PARD3: variants seen among roughly 807,000 people sequenced by gnomAD.
PARD3 encodes partitioning defective 3 homolog.
PARD3 carries 75 observed loss-of-function variants against 155.4 expected under a neutral mutation model. The observed-to-expected ratio is 0.48, with a 90% CI of 0.40 to 0.58. The LOEUF (loss-of-function observed/expected upper bound fraction) is 0.58, where lower values mean the gene tolerates loss of function less well. Among genes scored for constraint, PARD3 ranks in the 20% least tolerant of loss-of-function variants. The probability of loss-of-function intolerance (pLI) is 0.00; values close to 1 mark genes in which losing one functional copy is unlikely to be tolerated. For synonymous variants in PARD3, 576 were observed against 610.5 expected, an observed-to-expected ratio of 0.94 and a Z score of 0.83; for missense variants, 1,642 against 1,721.7, an observed-to-expected ratio of 0.95 and a Z score of 0.82.
At chr10:34,237,188 A>G (rs1377777158) in intron 22 of PARD3, among the ~76,000 whole-genome samples, 1 of 152,162 alleles carries the variant, frequency 6.6e-6, no homozygotes, top group African/African-American at 2.4e-5. Flanking sequence ...CAGATGGTCC[A>G]AAGTGAGGAT....
At chr10:34,406,262 A>G (rs1032527699) in intron 5 of PARD3, among the ~76,000 whole-genome samples, 2 of 152,246 alleles carry the variant, frequency 1.3e-5, no homozygotes, top group African/African-American at 2.4e-5. Context: ...AAGATCAAGC[A>G]TGAAAGATAA....
intron 1 of PARD3, among the ~76,000 whole-genome samples, chr10:34,730,275 C>T (rs1473513010): frequency 2.0e-5 from 3 of 152,092 alleles, no homozygotes; most frequent in East Asian, 1.9e-4. Flanking sequence ...ATCTACAAAT[C>T]TCACCTCTCT....
At chr10:34,432,650 G>A (rs2076006257) in intron 5 of PARD3, among the ~76,000 whole-genome samples, 1 of 152,136 alleles carries the variant, frequency 6.6e-6, no homozygotes, top group Non-Finnish European at 1.5e-5. Flanking sequence ...GCAGTTTCAA[G>A]TCACATTGCC....
intron 9 of PARD3, among the ~76,000 whole-genome samples, chr10:34,378,314 A>C (rs978314225): frequency 1.6e-4 from 24 of 152,236 alleles, no homozygotes; most frequent in African/African-American, 5.8e-4. Context: ...AACAGTTATT[A>C]ATCTAAGAAG....
intron 2 of PARD3, among the ~76,000 whole-genome samples, chr10:34,586,857 G>A (rs1183432105): frequency 1.3e-5 from 2 of 152,136 alleles, no homozygotes; most frequent in African/African-American, 2.4e-5. Flanking sequence ...GCTGAGGCAG[G>A]AGAATCGCTT....
At chr10:34,392,739 G>A (rs1294673468) in intron 7 of PARD3, among the ~76,000 whole-genome samples, 1 of 151,976 alleles carries the variant, frequency 6.6e-6, no homozygotes, top group African/African-American at 2.4e-5. Flanking sequence ...TGCACTGCTG[G>A]GAATTAATAT....
intron 3 of PARD3, among the ~76,000 whole-genome samples, chr10:34,516,433 T>C (rs1002529273): frequency 6.6e-6 from 1 of 152,200 alleles, no homozygotes; most frequent in African/African-American, 2.4e-5. Context: ...GTATCCCAGA[T>C]CTGGAATACC....
chr10:34,261,702 AAGAAAGGAAGG>A (rs1564527831), intron 22 of PARD3, among the ~76,000 whole-genome samples: 23 of 35,066 alleles, frequency 6.6e-4, no homozygotes, highest in East Asian at 3.5e-3. Context: ...GAAAGAAAGG[AAGAAAGGAAGG>A]AAGAAAGGAA....
At chr10:34,469,213 C>A (rs138823108) in intron 4 of PARD3, among the ~76,000 whole-genome samples, 2 of 152,116 alleles carry the variant, frequency 1.3e-5, no homozygotes. Flanking sequence ...TGGGTTCAAG[C>A]GATTATTGTG....
At chr10:34,235,980 C>A (rs1325186715) in intron 22 of PARD3, among the ~76,000 whole-genome samples, 1 of 152,054 alleles carries the variant, frequency 6.6e-6, no homozygotes, top group Non-Finnish European at 1.5e-5. Flanking sequence ...AAACTCTGCA[C>A]AACTAAAAGG....
chr10:34,674,332 G>T (rs1215993021), intron 2 of PARD3, among the ~76,000 whole-genome samples: 1 of 152,034 alleles, frequency 6.6e-6, no homozygotes, highest in Non-Finnish European at 1.5e-5. Context: ...ATTAAAAGTG[G>T]GTATAAACAT....
At chr10:34,312,403 A>G in intron 20 of PARD3, 1 of 1,611,732 alleles carries the variant, frequency 6.2e-7, no homozygotes, top group Non-Finnish European at 8.5e-7. Flanking sequence ...GACACGGTAC[A>G]GACACACAGT....
At chr10:34,773,865 T>G (rs1005058604) in intron 1 of PARD3, among the ~76,000 whole-genome samples, 9 of 152,302 alleles carry the variant, frequency 5.9e-5, no homozygotes, top group Middle Eastern at 6.8e-3. Flanking sequence ...AATTAGAAGC[T>G]TTCATAATAT....
rs530943454 is a variant in PARD3, at chr10:34,663,597, T to TA, written c.222+32720dup. 2.8e-3 allele frequency among the ~76,000 whole-genome samples: 422 copies of TA among 152,130 alleles called. 1 individual carries two copies. Among genetic ancestry groups the TA allele is most frequent in the Non-Finnish European group, 4.3e-3 (293 of 67,972 alleles). ...CGTATCCACAAAAATAAAAAATTTT[T>TA]AAAAAAAGTTCCTTCTCTACTTCCA... On this transcript the variant is annotated intron_variant, in intron 2 of 24. Coordinates refer to ENST00000374788, the MANE Select transcript of PARD3 (RefSeq NM_001184785.2).
chr10:34,407,351 G>A (rs994348368), intron 5 of PARD3, among the ~76,000 whole-genome samples: 1 of 152,164 alleles, frequency 6.6e-6, no homozygotes, highest in Non-Finnish European at 1.5e-5. Flanking sequence ...TTCCAGAGGA[G>A]TGTGCACCCA....
chr10:34,657,687 C>G (rs1347379204), intron 2 of PARD3, among the ~76,000 whole-genome samples: 1 of 152,016 alleles, frequency 6.6e-6, no homozygotes, highest in Non-Finnish European at 1.5e-5. Flanking sequence ...TACAGGCACA[C>G]GCCACCACGC....
chr10:34,410,727 G>C (rs932504217), intron 5 of PARD3, among the ~76,000 whole-genome samples: 2 of 152,184 alleles, frequency 1.3e-5, no homozygotes, highest in African/African-American at 4.8e-5. Flanking sequence ...CTTATAAACA[G>C]AGGCACTGAT....
At chr10:34,329,885 G>A (rs897488347) in intron 19 of PARD3, among the ~76,000 whole-genome samples, 55 of 152,186 alleles carry the variant, frequency 3.6e-4, no homozygotes, top group Middle Eastern at 3.4e-3. Flanking sequence ...AGCATTATAC[G>A]TATAAGCAAT....
rs570957245 is a variant in PARD3 at position 34,784,739 on chromosome 10, A to G, written c.120+30137T>C. 3.9e-5 allele frequency among the ~76,000 whole-genome samples: 6 copies of G among 152,146 alleles called. No homozygotes were observed. In the East Asian group the frequency reaches 1.2e-3, roughly 29 times the overall value. ...GGCGTGAGCCACCGTGCCCGGCCCC[A>G]ATATACTTTTTTAAGGATTTTCTTC... is the stretch of plus-strand genomic sequence containing the variant. On this transcript the variant is annotated intron_variant, in intron 1 of 24. Transcript: ENST00000374788.
Sources: gnomAD v4.1 joint callset for allele counts (sites outside exome capture counted in the v4.1 genomes callset) on GRCh38, gnomAD v4.1.1 for gene constraint, MANE v1.5 for transcripts, NCBI Gene and HGNC (gene_info 2026-07-23, HGNC 2026-07-21) for gene names.